Variants in ZMAT3 observed in about 807,000 individuals in gnomAD.
ZMAT3 encodes zinc finger matrin-type 3, also known as zinc finger matrin-type protein 3.
ZMAT3 carries 17 observed loss-of-function variants against 32.3 expected under a neutral mutation model. The observed-to-expected ratio is 0.53, with a 90% CI of 0.36 to 0.79. The LOEUF is 0.79. ZMAT3 is among the 30% of genes least tolerant of loss of function. ZMAT3 has a pLI of 0.00. For missense variants in ZMAT3, 329 were observed against 359.7 expected (o/e 0.91, Z 0.69); for synonymous variants, 120 against 133.1 (o/e 0.90, Z 0.68).
At chr3:179,027,909 G>A in intron 3 of ZMAT3, 97 bp from the exon 4 acceptor site, 1 of 1,261,002 alleles carries the variant, frequency 7.9e-7, no homozygotes, top group Non-Finnish European at 1.1e-6. Flanking sequence ...AACAACCAAA[G>A]GATATGGCAT....
At chr3:179,054,651 C>T (rs1720738468) in intron 2 of ZMAT3, among the ~76,000 whole-genome samples, 1 of 152,194 alleles carries the variant, frequency 6.6e-6, no homozygotes, top group Non-Finnish European at 1.5e-5. Flanking sequence ...CTATTTCACT[C>T]TATTAAATCT....
chr3:179,054,363 G>A (rs910811183), intron 2 of ZMAT3, among the ~76,000 whole-genome samples: 3 of 152,134 alleles, frequency 2.0e-5, no homozygotes, highest in African/African-American at 4.8e-5. Context: ...TACATCTAGC[G>A]AGTAGTAAGA....
chr3:179,064,753 A>G (rs186443238), intron 2 of ZMAT3, among the ~76,000 whole-genome samples: 1 of 152,164 alleles, frequency 6.6e-6, no homozygotes, highest in East Asian at 1.9e-4. Context: ...TGTCTTCAGT[A>G]ATCTTTCTTT....
intron 2 of ZMAT3, among the ~76,000 whole-genome samples, chr3:179,058,681 G>A (rs1236980349): frequency 3.3e-5 from 5 of 150,990 alleles, no homozygotes; most frequent in South Asian, 2.1e-4. Flanking sequence ...GCATGAACCC[G>A]GGAGGCGGAG....
Position 179,019,337 on chromosome 3 carries a change from T to C in ZMAT3, c.*5680A>G, listed in dbSNP as rs1718426801. On this transcript the variant is annotated 3_prime_UTR_variant, in exon 6 of 6. Coordinates refer to ENST00000311417, the MANE Select transcript of ZMAT3 (RefSeq NM_022470.4). ...TCAACTTCATACACCACTTTCAAAA[T>C]AGATATTTAAACGAATACTAAACCT... 6.6e-6 allele frequency: 1 copy of C among 151,766 alleles called. No homozygotes were observed. The highest frequency in any genetic ancestry group is 1.5e-5 in the Non-Finnish European group (1 of 67,918). 9.4% of individuals were successfully genotyped at this position (151,766 alleles called of 1,614,324 possible).
intron 2 of ZMAT3, among the ~76,000 whole-genome samples, chr3:179,052,870 G>A (rs1385837789): frequency 1.3e-5 from 2 of 152,166 alleles, no homozygotes; most frequent in Non-Finnish European, 2.9e-5. Context: ...GCTCACACCT[G>A]TCATCCCAGC....
At chr3:179,058,839 G>T (rs199499272) in intron 2 of ZMAT3, among the ~76,000 whole-genome samples, 200 of 151,548 alleles carry the variant, frequency 1.3e-3, no homozygotes, top group Non-Finnish European at 2.2e-3. Flanking sequence ...ATACTTGAAA[G>T]TAATTCCCTC....
intron 2 of ZMAT3, among the ~76,000 whole-genome samples, chr3:179,033,586 A>G (rs1021027396): frequency 1.3e-5 from 2 of 152,058 alleles, no homozygotes; most frequent in Non-Finnish European, 2.9e-5. Context: ...CACATTTTCC[A>G]GTGACTTATG....
intron 2 of ZMAT3, among the ~76,000 whole-genome samples, chr3:179,041,590 A>G (rs1719931037): frequency 6.6e-6 from 1 of 152,248 alleles, no homozygotes; most frequent in Non-Finnish European, 1.5e-5. Flanking sequence ...GCAGTGTGGT[A>G]GAGGGAAATT....
intron 2 of ZMAT3, among the ~76,000 whole-genome samples, chr3:179,037,176 C>T (rs1426490303): frequency 2.0e-5 from 3 of 152,162 alleles, no homozygotes; most frequent in Non-Finnish European, 4.4e-5. Flanking sequence ...CCAGAATAGG[C>T]CAACCTGTAA....
At chr3:179,064,796 C>A (rs1721322879) in intron 2 of ZMAT3, among the ~76,000 whole-genome samples, 1 of 152,160 alleles carries the variant, frequency 6.6e-6, no homozygotes, top group African/African-American at 2.4e-5. Context: ...CCCTCTGATG[C>A]ATCTTTTTGG....
intron 2 of ZMAT3, among the ~76,000 whole-genome samples, chr3:179,041,921 G>A (rs1046398206): frequency 6.6e-6 from 1 of 152,148 alleles, no homozygotes; most frequent in African/African-American, 2.4e-5. Context: ...CGATCCCACA[G>A]AAATACAAAC....
intron 2 of ZMAT3, among the ~76,000 whole-genome samples, chr3:179,064,857 A>C (rs954310001): frequency 2.5e-4 from 34 of 138,492 alleles, no homozygotes; most frequent in African/African-American, 8.1e-4. Context: ...TTCTAGAGTT[A>C]TGTTCACACT....
intron 2 of ZMAT3, among the ~76,000 whole-genome samples, chr3:179,051,111 A>G (rs1283079594): frequency 6.6e-6 from 1 of 152,184 alleles, no homozygotes; most frequent in Non-Finnish European, 1.5e-5. Flanking sequence ...ACTTCTATTC[A>G]CCCTAGTACT....
At chr3:179,056,863 G>A (rs759220952) in intron 2 of ZMAT3, among the ~76,000 whole-genome samples, 12 of 152,188 alleles carry the variant, frequency 7.9e-5, no homozygotes, top group Non-Finnish European at 1.6e-4. Context: ...AATTATGCCT[G>A]AAAGCCCCAC....
At chr3:179,043,161 T>C (rs1166790395) in intron 2 of ZMAT3, among the ~76,000 whole-genome samples, 3 of 152,300 alleles carry the variant, frequency 2.0e-5, no homozygotes, top group East Asian at 1.9e-4. Flanking sequence ...AGGTAATTTA[T>C]AGATTAAATG....
At chr3:179,044,453 G>T (rs1720119381) in intron 2 of ZMAT3, among the ~76,000 whole-genome samples, 1 of 152,064 alleles carries the variant, frequency 6.6e-6, no homozygotes, top group Non-Finnish European at 1.5e-5. Flanking sequence ...GAACATCCTG[G>T]CTAACATGAT....
chr3:179,066,933 T>C (rs1721444249), intron 2 of ZMAT3, among the ~76,000 whole-genome samples: 1 of 152,196 alleles, frequency 6.6e-6, no homozygotes. Flanking sequence ...AATATTGCAA[T>C]GTCATTTTAT....
At chr3:179,032,530 C>T (rs1355784921) in intron 2 of ZMAT3, among the ~76,000 whole-genome samples, 1 of 151,664 alleles carries the variant, frequency 6.6e-6, no homozygotes, top group African/African-American at 2.4e-5. Context: ...CGCCTCTTCC[C>T]GGCCATCATC....
Sources: allele counts gnomAD v4.1 joint callset (sites outside exome capture counted in the v4.1 genomes callset), GRCh38; gene constraint gnomAD v4.1.1; transcripts MANE v1.5; gene names NCBI Gene and HGNC (gene_info 2026-07-23, HGNC 2026-07-21).